DUSP18: variants seen among roughly 807,000 people sequenced by gnomAD.
DUSP18 encodes dual specificity protein phosphatase 18.
A neutral mutation model predicts 6.3 loss-of-function variants in DUSP18; 4 were observed. The observed-to-expected ratio is 0.63, with a 90% confidence interval of 0.31 to 1.45. The LOEUF (loss-of-function observed/expected upper bound fraction) is 1.45, where lower values mean the gene tolerates loss of function less well. Among genes scored for constraint, DUSP18 ranks in the 40% most tolerant of loss-of-function variants. The pLI is 0.07. For synonymous variants in DUSP18, 96 were observed against 95.1 expected (o/e 1.01, Z -0.05); for missense variants, 235 against 247.7 (o/e 0.95, Z 0.34).
intron 2 of DUSP18, among the ~76,000 whole-genome samples, chr22:30,655,103 G>A (rs556091992): frequency 3.9e-5 from 6 of 152,116 alleles, no homozygotes; most frequent in African/African-American, 9.7e-5. Flanking sequence ...ACAGAGCCAC[G>A]GTGTGAAGTT....
intron 2 of DUSP18, among the ~76,000 whole-genome samples, chr22:30,653,583 G>C (rs2088269708): frequency 1.3e-5 from 2 of 152,058 alleles, no homozygotes; most frequent in African/African-American, 2.4e-5. Context: ...ATGTTGGCCA[G>C]GCTGGTCTCG....
intron 2 of DUSP18, chr22:30,654,618 G>T: frequency 2.2e-6 from 1 of 462,862 alleles, no homozygotes. Context: ...AGTGGTAGGT[G>T]CCTCGGGAAG....
Position 30,663,268 on chromosome 22 carries a change from A to G in DUSP18, c.*169T>C. 1 of 706,726 alleles carries G rather than the reference A, an allele frequency of 1.4e-6. No homozygotes were observed. Among genetic ancestry groups the G allele is most frequent in the Non-Finnish European group, 2.3e-6 (1 of 439,688 alleles). The allele number at this position is 706,726 out of a possible 1,614,324, so 43.8% of individuals were successfully genotyped here. A position where few individuals can be genotyped will look rare whatever the true frequency, so the allele number is the denominator to read the frequency against. On this transcript the variant is annotated 3_prime_UTR_variant, in exon 2 of 2. Transcript: ENST00000334679. ...TCTCACAATTAGTTTAATCTTAAAA[A>G]AAATGGATTATAAAGTTAAAAGCTA... is the stretch of plus-strand genomic sequence containing the variant.
chr22:30,665,246 T>C (rs973474061), intron 1 of DUSP18: 7 of 185,258 alleles, frequency 3.8e-5, no homozygotes, highest in Non-Finnish European at 5.8e-5. Flanking sequence ...AAGTTTTGTT[T>C]CCCTGCTTAA....
At chr22:30,655,429 C>CTAAAAAAAAAAAA (rs1389184839) in intron 2 of DUSP18, among the ~76,000 whole-genome samples, 4 of 111,628 alleles carry the variant, frequency 3.6e-5, no homozygotes, top group Middle Eastern at 4.2e-3. Flanking sequence ...GAGATCCTAC[C>CTAAAAAAAAAAAA]AAAAAAAAAA....
At chr22:30,659,638 C>T (rs1057005033), downstream of DUSP18, among the ~76,000 whole-genome samples, 1 of 152,130 alleles carries the variant, frequency 6.6e-6, no homozygotes, top group Non-Finnish European at 1.5e-5. Context: ...TCCCAAAGTG[C>T]AGGGATTACA....
At position 30,653,374 on chromosome 22, in the gene DUSP18, CTTTT is replaced by C. The variant is rs892435016; in HGVS notation, c.*34-1081_*34-1078del. On this transcript the variant is annotated intron_variant, in intron 2 of 2. Coordinates refer to the DUSP18 transcript ENST00000404885. ...ACCCTCATGTGCCCCCTTCCTCCTT[CTTTT>C]TTTTTTTTTTTGAGACAGAGTCTTG... Among the ~76,000 whole-genome samples, 7 of 142,568 alleles carry C rather than the reference CTTTT, an allele frequency of 4.9e-5. No individual in the cohort carries two copies. The East Asian group carries it at 6.1e-4, about 12-fold the overall frequency. 93.5% of individuals were successfully genotyped at this position (142,568 alleles called of 152,430 possible).
In DUSP18 at chr22:30,667,280, G is replaced by C. The variant is rs543197276; in HGVS notation, c.-78+182C>G. The C allele has an allele frequency of 3.3e-5, 5 of 152,354 alleles. No homozygotes were observed. In the South Asian group the frequency reaches 1.0e-3, roughly 32 times the overall value. 9.4% of individuals were successfully genotyped at this position (152,354 alleles called of 1,614,324 possible). A position where few individuals can be genotyped will look rare whatever the true frequency, so the allele number is the denominator to read the frequency against. On this transcript the variant is annotated intron_variant, in intron 1 of 1. Coordinates refer to ENST00000334679, the MANE Select transcript of DUSP18 (RefSeq NM_152511.5). ...CGACCTTTATGGTCCATTATGTGTG[G>C]GAAAAATGAACAAACACCGCGGGGC...
downstream of DUSP18, among the ~76,000 whole-genome samples, chr22:30,661,226 A>G (rs936827889): frequency 3.3e-5 from 5 of 152,198 alleles, no homozygotes; most frequent in Non-Finnish European, 5.9e-5. Context: ...ATATAGTTTG[A>G]GACCCATTCA....
chr22:30,666,696 A>C (rs2088685195), intron 1 of DUSP18: 1 of 150,778 alleles, frequency 6.6e-6, no homozygotes, highest in Admixed American at 6.6e-5. Flanking sequence ...TGAAATGTAC[A>C]AGACAGGCAT....
At chr22:30,664,403 T>C (rs1044885844) in intron 1 of DUSP18, among the ~76,000 whole-genome samples, 1 of 152,350 alleles carries the variant, frequency 6.6e-6, no homozygotes. Context: ...ACAGCTCTAG[T>C]TGGGCAGATG....
Position 30,663,936 on chromosome 22 carries a change from A to G in DUSP18, c.68T>C (p.Ile23Thr). 6.2e-7 allele frequency: 1 copy of G among 1,614,186 alleles called. No individual in the cohort carries two copies. Among genetic ancestry groups the G allele is most frequent in the Non-Finnish European group, 8.5e-7 (1 of 1,180,040 alleles). Residue 23 changes from isoleucine (I) to threonine (T), a missense_variant, in exon 2 of 2, where the codon ATA (isoleucine) becomes ACA (threonine). Coordinates refer to ENST00000334679, the MANE Select transcript of DUSP18 (RefSeq NM_152511.5). ...ATTGCTGATATACAGGCTTTTGGTT[A>G]TCTGCGAGAGGCCGCTGACTGAGGG... The part of the protein sequence containing the change: ...RQPSVSGLSQ[I>T]TKSLYISNGV...
In DUSP18 at chr22:30,663,422, G is replaced by T; in HGVS notation, c.*15C>A. 6.3e-7 allele frequency: 1 copy of T among 1,595,428 alleles called. No individual in the cohort carries two copies. Among genetic ancestry groups the T allele is most frequent in the Non-Finnish European group, 8.6e-7 (1 of 1,166,896 alleles). ...TCTGTACCTCTGACTCCAATGCAGG[G>T]GCTCGTGGGATGGCTCACAGTGGAA... On this transcript the variant is annotated 3_prime_UTR_variant, in exon 2 of 2. Transcript: ENST00000334679.
At position 30,662,806 on chromosome 22, in the gene DUSP18, G is replaced by C. The variant is rs923051047; in HGVS notation, c.*631C>G. The C allele has an allele frequency of 6.6e-6, 1 of 152,390 alleles. No homozygotes were observed. The highest frequency in any genetic ancestry group is 1.5e-5 in the Non-Finnish European group (1 of 68,240). 9.4% of individuals were successfully genotyped at this position (152,390 alleles called of 1,614,324 possible). On this transcript the variant is annotated 3_prime_UTR_variant, in exon 2 of 2. Coordinates refer to ENST00000334679, the MANE Select transcript of DUSP18 (RefSeq NM_152511.5). ...ATCACACTACTGCACTCTAGGATGG[G>C]TGACAGAGCAGGACAGTTTCAAAAA...
At chr22:30,659,714 C>T (rs755209393), downstream of DUSP18, among the ~76,000 whole-genome samples, 2 of 152,170 alleles carry the variant, frequency 1.3e-5, no homozygotes, top group African/African-American at 4.8e-5. Context: ...TGTTTCTGAC[C>T]TATTCCCTGG....
At chr22:30,655,461 AAG>A in intron 2 of DUSP18, among the ~76,000 whole-genome samples, 1 of 148,700 alleles carries the variant, frequency 6.7e-6, no homozygotes, top group Non-Finnish European at 1.5e-5. Flanking sequence ...AAAAGAAAAA[AAG>A]AAGCCACTAG....
downstream of DUSP18, among the ~76,000 whole-genome samples, chr22:30,657,671 G>A (rs5997728): frequency 0.18 from 26,932 of 151,410 alleles, 2,910 homozygotes; most frequent in African/African-American, 0.29. Flanking sequence ...TTGGGAGGCC[G>A]AGTCAGGTGG....
At chr22:30,659,367 A>C (rs550504326), downstream of DUSP18, among the ~76,000 whole-genome samples, 2 of 151,422 alleles carry the variant, frequency 1.3e-5, no homozygotes, top group African/African-American at 2.4e-5. Context: ...TCAGAAAAAG[A>C]CTCTTTTTTT....
chr22:30,658,078 C>A (rs914996523), downstream of DUSP18, among the ~76,000 whole-genome samples: 2 of 151,286 alleles, frequency 1.3e-5, no homozygotes, highest in African/African-American at 4.9e-5. Context: ...CAGTATCTAG[C>A]CTGGGCAACA....
Sources: allele counts gnomAD v4.1 joint callset (sites outside exome capture counted in the v4.1 genomes callset), GRCh38; gene constraint gnomAD v4.1.1; transcripts MANE v1.5; gene names NCBI Gene and HGNC (gene_info 2026-07-23, HGNC 2026-07-21).